NKAIN3: variants seen among roughly 807,000 people sequenced by gnomAD.
The protein encoded by NKAIN3 is sodium/potassium transporting ATPase interacting 3.
A neutral mutation model predicts 30.2 loss-of-function variants in NKAIN3; 25 were observed. The ratio of observed to expected loss-of-function variants is 0.83; its 90% CI spans 0.60 to 1.16. NKAIN3 has a LOEUF of 1.16. Ranked by LOEUF, NKAIN3 falls within the 50% of genes most tolerant of loss-of-function variation. The pLI is 0.00. For missense variants in NKAIN3, 225 were observed against 254.1 expected, an observed-to-expected ratio of 0.89 and a Z score of 0.78; for synonymous variants, 91 against 89.6, an observed-to-expected ratio of 1.02 and a Z score of -0.09.
chr8:62,855,266 C>T (rs940470037), intron 4 of NKAIN3: 7 of 473,304 alleles, frequency 1.5e-5, no homozygotes, highest in Non-Finnish European at 2.8e-5. Context: ...GCCAGCCTGG[C>T]CACAGTGTGG....
At chr8:62,523,240 G>A (rs192205555) in intron 1 of NKAIN3, among the ~76,000 whole-genome samples, 1 of 152,208 alleles carries the variant, frequency 6.6e-6, no homozygotes, top group African/African-American at 2.4e-5. Context: ...GGACTATACT[G>A]TATACTCTAG....
chr8:62,731,940 G>A (rs573612188), intron 3 of NKAIN3, among the ~76,000 whole-genome samples: 3 of 151,916 alleles, frequency 2.0e-5, no homozygotes, highest in Admixed American at 6.6e-5. Flanking sequence ...ACTCCAGAGG[G>A]AGGTTTGAGA....
chr8:62,636,893 T>G (rs1430644916), intron 3 of NKAIN3, among the ~76,000 whole-genome samples: 1 of 152,206 alleles, frequency 6.6e-6, no homozygotes, highest in Admixed American at 6.5e-5. Context: ...ACTCATTTTA[T>G]TGTGATTAAC....
chr8:62,367,071 A>G (rs1283534071), intron 1 of NKAIN3, among the ~76,000 whole-genome samples: 2 of 152,128 alleles, frequency 1.3e-5, no homozygotes, highest in Non-Finnish European at 2.9e-5. Context: ...ATATTATTTC[A>G]GTCTTCTTAA....
intron 2 of NKAIN3, among the ~76,000 whole-genome samples, chr8:62,581,658 A>G (rs1475782350): frequency 1.3e-5 from 2 of 152,162 alleles, no homozygotes; most frequent in Admixed American, 6.5e-5. Context: ...ATCTAAGAAT[A>G]TTCTTGCCTG....
At chr8:62,631,968 T>A (rs994201745) in intron 3 of NKAIN3, among the ~76,000 whole-genome samples, 2 of 152,164 alleles carry the variant, frequency 1.3e-5, no homozygotes, top group African/African-American at 4.8e-5. Flanking sequence ...AGGCACTGGA[T>A]AATACATATA....
chr8:62,551,141 C>T (rs775191589), intron 1 of NKAIN3, among the ~76,000 whole-genome samples: 2 of 152,088 alleles, frequency 1.3e-5, no homozygotes, highest in Non-Finnish European at 2.9e-5. Context: ...AAACTTCCAT[C>T]AGGTGGTTAT....
chr8:62,581,689 A>T (rs867376532), intron 2 of NKAIN3, among the ~76,000 whole-genome samples: 1 of 151,990 alleles, frequency 6.6e-6, no homozygotes, highest in Non-Finnish European at 1.5e-5. Context: ...CCAAACTCAT[A>T]TCTAACCATT....
chr8:62,502,297 T>A (rs1401015285), intron 1 of NKAIN3, among the ~76,000 whole-genome samples: 1 of 152,152 alleles, frequency 6.6e-6, no homozygotes, highest in African/African-American at 2.4e-5. Context: ...AAGAATAGAC[T>A]TCACATCTTC....
intron 3 of NKAIN3, 105 bp downstream of exon 3, chr8:62,589,899 G>A (rs1390732628): frequency 2.0e-6 from 1 of 497,778 alleles, no homozygotes; most frequent in African/African-American, 2.0e-5. Context: ...GTGTGTGTGT[G>A]TGTGTGTGTG....
At chr8:62,725,274 G>A (rs1815218378) in intron 3 of NKAIN3, among the ~76,000 whole-genome samples, 1 of 151,940 alleles carries the variant, frequency 6.6e-6, no homozygotes, top group Admixed American at 6.6e-5. Context: ...ATACATTCTG[G>A]CTATTAATCA....
intron 1 of NKAIN3, among the ~76,000 whole-genome samples, chr8:62,370,853 C>T (rs1045932263): frequency 1.3e-5 from 2 of 151,924 alleles, no homozygotes; most frequent in African/African-American, 2.4e-5. Flanking sequence ...CTACAAAGTC[C>T]AGCTACCTTA....
intron 2 of NKAIN3, among the ~76,000 whole-genome samples, chr8:62,584,394 C>T (rs559580594): frequency 1.3e-5 from 2 of 152,238 alleles, no homozygotes; most frequent in South Asian, 4.2e-4. Context: ...CCATTTTGGA[C>T]AAGAGACAGG....
At chr8:62,722,937 C>G (rs1016050064) in intron 3 of NKAIN3, among the ~76,000 whole-genome samples, 1 of 152,136 alleles carries the variant, frequency 6.6e-6, no homozygotes, top group African/African-American at 2.4e-5. Context: ...GGTTAGTCAA[C>G]AACTTGAGAT....
intron 1 of NKAIN3, among the ~76,000 whole-genome samples, chr8:62,367,186 C>T (rs1395022437): frequency 2.6e-5 from 4 of 152,110 alleles, no homozygotes; most frequent in Non-Finnish European, 5.9e-5. Flanking sequence ...ATGGAATGTT[C>T]TGTGTGTATC....
At chr8:62,384,939 A>G (rs988855014) in intron 1 of NKAIN3, among the ~76,000 whole-genome samples, 2 of 152,152 alleles carry the variant, frequency 1.3e-5, no homozygotes, top group East Asian at 3.9e-4. Flanking sequence ...AGATATTATC[A>G]TTGTAATTAC....
At chr8:62,993,781 T>C (rs1222945324) in intron 5 of NKAIN3, among the ~76,000 whole-genome samples, 1 of 152,204 alleles carries the variant, frequency 6.6e-6, no homozygotes, top group Non-Finnish European at 1.5e-5. Context: ...TAAGGCAGCC[T>C]ATGTTTCTTT....
At chr8:62,919,485 T>C (rs1046166142) in intron 5 of NKAIN3, among the ~76,000 whole-genome samples, 1 of 151,990 alleles carries the variant, frequency 6.6e-6, no homozygotes, top group Non-Finnish European at 1.5e-5. Context: ...GACCTCGTGA[T>C]CCACCCGCCT....
chr8:62,660,783 C>A (rs1232023387), intron 3 of NKAIN3, among the ~76,000 whole-genome samples: 1 of 152,214 alleles, frequency 6.6e-6, no homozygotes, highest in Non-Finnish European at 1.5e-5. Flanking sequence ...GAAACCATCT[C>A]TTCAAGCCAT....
Sources: allele counts gnomAD v4.1 joint callset (sites outside exome capture counted in the v4.1 genomes callset), GRCh38; gene constraint gnomAD v4.1.1; transcripts MANE v1.5; gene names NCBI Gene and HGNC (gene_info 2026-07-23, HGNC 2026-07-21).